Variants in CD5 observed in about 807,000 individuals in gnomAD.
CD5 encodes CD5 molecule.
CD5 carries 36 observed loss-of-function variants against 60.3 expected under a neutral mutation model. The observed-to-expected ratio is 0.60, with a 90% CI of 0.46 to 0.79. CD5 has a LOEUF of 0.79. Ranked by LOEUF, CD5 falls within the 30% of genes least tolerant of loss-of-function variation. The pLI, the probability that CD5 is intolerant of heterozygous loss-of-function variation, is 0.00. For missense variants in CD5, 540 were observed against 630.6 expected (o/e 0.86, Z 1.54); for synonymous variants, 230 against 257.6 (o/e 0.89, Z 1.03).
intron 1 of CD5, among the ~76,000 whole-genome samples, chr11:61,104,470 G>A (rs558272146): frequency 6.6e-6 from 1 of 152,272 alleles, no homozygotes; most frequent in African/African-American, 2.4e-5. Flanking sequence ...AGCTGAGTAT[G>A]GGAACCCGTG....
chr11:61,100,051 C>A (rs1252543355), upstream of CD5, among the ~76,000 whole-genome samples: 1 of 146,470 alleles, frequency 6.8e-6, no homozygotes, highest in Non-Finnish European at 1.5e-5. Flanking sequence ...GGAGATCACA[C>A]ACACACATCA....
intron 2 of CD5, among the ~76,000 whole-genome samples, chr11:61,115,583 G>A (rs1183182910): frequency 1.3e-5 from 2 of 152,318 alleles, no homozygotes; most frequent in East Asian, 1.9e-4. Flanking sequence ...ACAAAGGGCA[G>A]GCAACACCGC....
Position 61,118,180 on chromosome 11 carries a change from C to T in CD5, c.100C>T (p.Gln34Ter), listed in dbSNP as rs751153028. ...CACACCTTTCTGACCCCCAGATTTC[C>T]AGGCAAGGCTCACCCGTTCCAACTC... The part of the protein sequence containing the change: ...GRLSWYDPDF[Q>*]ARLTRSNSKC... Residue 34 changes from glutamine (Q) to a stop codon, truncating the protein, a stop_gained, in exon 3 of 11, where the codon CAG becomes TAG. Coordinates refer to ENST00000347785, the MANE Select transcript of CD5 (RefSeq NM_014207.4). LOFTEE classifies it high-confidence loss of function. This position sits in a 1 kb window ranked among gnomAD's most constrained non-coding sequence, Gnocchi z 4.7. The T allele has an allele frequency of 1.2e-6, 2 of 1,612,086 alleles. No homozygotes were observed. Among genetic ancestry groups the T allele is most frequent in the Non-Finnish European group, 1.7e-6 (2 of 1,178,252 alleles).
Position 61,122,421 on chromosome 11 carries a change from CAGTG to C in CD5, c.1100-485_1100-482del, listed in dbSNP as rs1430269059. Among the ~76,000 whole-genome samples the C allele has an allele frequency of 1.2e-3, 83 of 71,392 alleles. 1 individual carries two copies. The highest frequency in any genetic ancestry group is 5.0e-3 in the African/African-American group (81 of 16,222). 46.8% of individuals were successfully genotyped at this position (71,392 alleles called of 152,430 possible). On this transcript the variant is annotated intron_variant, in intron 6 of 10. Transcript: ENST00000347785. ...TGGATGGATGGATGGATGGATGGAT[CAGTG>C]GGTGGGTGGATGGATGGATGGTTGG... is the stretch of plus-strand genomic sequence containing the variant.
intron 1 of CD5, among the ~76,000 whole-genome samples, chr11:61,103,021 A>G (rs1168887325): frequency 2.0e-5 from 3 of 152,210 alleles, no homozygotes; most frequent in African/African-American, 7.2e-5. Context: ...CTCCAGAGAC[A>G]TGGAAACTCG....
At chr11:61,123,237 GCTGATTTGTCCATCT>G (rs1861096076) in intron 7 of CD5, among the ~76,000 whole-genome samples, 1 of 150,980 alleles carries the variant, frequency 6.6e-6, no homozygotes, top group Non-Finnish European at 1.5e-5. Flanking sequence ...AATTGCAATT[GCTGATTTGTCCATCT>G]CTGGAGCCCA....
chr11:61,110,588 G>A (rs1860840630), intron 1 of CD5, among the ~76,000 whole-genome samples: 1 of 152,186 alleles, frequency 6.6e-6, no homozygotes, highest in Admixed American at 6.5e-5. Flanking sequence ...TGAAACCTGG[G>A]GCAGGCCATC....
intron 1 of CD5, among the ~76,000 whole-genome samples, chr11:61,107,456 C>G (rs1415009630): frequency 6.6e-6 from 1 of 152,200 alleles, no homozygotes; most frequent in Non-Finnish European, 1.5e-5. Context: ...CAGAAGCTTT[C>G]AGATTGTAGA....
upstream of CD5, among the ~76,000 whole-genome samples, chr11:61,100,455 TTA>T (rs1860653508): frequency 8.5e-6 from 1 of 117,594 alleles, no homozygotes; most frequent in African/African-American, 3.3e-5. Flanking sequence ...AACATGGAGA[TTA>T]CACACACACA....
At position 61,106,156 on chromosome 11, in the gene CD5, T is replaced by C. The variant is rs1243868278; in HGVS notation, c.55+3541T>C. ...AAAAAAAAAAAAAAGGCACCCGAAA[T>C]ATTTACACATTTTGAAATACTGAGT... On this transcript the variant is annotated intron_variant, in intron 1 of 10. Coordinates refer to ENST00000347785, the MANE Select transcript of CD5 (RefSeq NM_014207.4). Among the ~76,000 whole-genome samples the C allele has an allele frequency of 2.2e-5, 3 of 135,560 alleles. No individual in the cohort carries two copies. In the East Asian group the frequency reaches 6.8e-4, roughly 31 times the overall value. 88.9% of individuals were successfully genotyped at this position (135,560 alleles called of 152,430 possible).
At chr11:61,124,946 A>G (rs1426978614) in intron 8 of CD5, 86 bp from the exon 9 acceptor site, 5 of 1,535,590 alleles carry the variant, frequency 3.3e-6, no homozygotes, top group Non-Finnish European at 4.5e-6. Context: ...TCATGGGAAT[A>G]GGAGATTAAA....
intron 1 of CD5, among the ~76,000 whole-genome samples, chr11:61,113,887 C>A (rs1241652593): frequency 6.6e-6 from 1 of 152,190 alleles, no homozygotes; most frequent in Non-Finnish European, 1.5e-5. Context: ...CTAGGCCAGT[C>A]TCAAACTCCT....
At position 61,118,340 on chromosome 11, in the gene CD5, G is replaced by T; in HGVS notation, c.260G>T (p.Gly87Val). ...ASKVCQRLNC[G>V]VPLSLGPFLV... ...AAAGTCTGCCAGCGGCTGAACTGTG[G>T]GGTGCCCTTAAGCCTTGGCCCCTTC... Residue 87 changes from glycine (G) to valine (V), a missense_variant, in exon 3 of 11, where the codon GGG (glycine) becomes GTG (valine). Gly to Val is a moderately radical substitution (Grantham distance 109, BLOSUM62 -3). Transcript: ENST00000347785. This position sits in a 1 kb window ranked among gnomAD's most constrained non-coding sequence, Gnocchi z 4.7. 6.2e-7 allele frequency: 1 copy of T among 1,614,264 alleles called. No individual in the cohort carries two copies. The highest frequency in any genetic ancestry group is 1.1e-5 in the South Asian group (1 of 91,090).
chr11:61,118,789 G>A lies in CD5; in HGVS notation c.401-126G>A, dbSNP rs1861003602. 2.1e-5 allele frequency: 14 copies of A among 673,166 alleles called. No homozygotes were observed. The highest frequency in any genetic ancestry group is 1.8e-4 in the South Asian group (10 of 56,190). The allele number at this position is 673,166 out of a possible 1,614,324, so 41.7% of individuals were successfully genotyped here. ...GCAGGAGGCTTAGAGACAACGTGTG[G>A]GTCAAGTGGACCTGGTGTGCCAAGC... On this transcript the variant is annotated intron_variant, in intron 3 of 10. Coordinates refer to ENST00000347785, the MANE Select transcript of CD5 (RefSeq NM_014207.4). The surrounding 1 kb of genome is among the most constrained non-coding windows in gnomAD (Gnocchi z 4.7).
the CD5 span, among the ~76,000 whole-genome samples, chr11:61,097,390 G>A: frequency 1.3e-5 from 2 of 152,188 alleles, no homozygotes; most frequent in Non-Finnish European, 1.5e-5. Flanking sequence ...CCCGTAGGAC[G>A]ACTTAGTTGT....
chr11:61,103,629 G>A (rs1281707473), intron 1 of CD5, among the ~76,000 whole-genome samples: 5 of 140,386 alleles, frequency 3.6e-5, no homozygotes, highest in African/African-American at 8.6e-5. Flanking sequence ...CTGTGTGTAC[G>A]TGTGTGAGAA....
chr11:61,120,839 T>G (rs947491601), intron 5 of CD5, among the ~76,000 whole-genome samples: 1 of 152,236 alleles, frequency 6.6e-6, no homozygotes, highest in Non-Finnish European at 1.5e-5. Flanking sequence ...CCTCAGCTAC[T>G]ATCCTTCCTG....
rs1400076836 is a variant in CD5 at position 61,103,399 on chromosome 11, C to T, written c.55+784C>T. On this transcript the variant is annotated intron_variant, in intron 1 of 10. Coordinates refer to ENST00000347785, the MANE Select transcript of CD5 (RefSeq NM_014207.4). ...AAGGTCTGGCAGGGTGACAGAGGTG[C>T]GTGACTCTGGGCTGGAAACAGGAGG... 3.3e-5 allele frequency among the ~76,000 whole-genome samples: 5 copies of T among 152,152 alleles called. No homozygotes were observed. The South Asian group carries it at 6.2e-4, about 19-fold the overall frequency.
intron 6 of CD5, among the ~76,000 whole-genome samples, chr11:61,122,387 ATGGATGGATG>A (rs1294316632): frequency 1.4e-5 from 2 of 139,820 alleles, no homozygotes; most frequent in African/African-American, 2.8e-5. Context: ...GGATGGATGG[ATGGATGGATG>A]GATGGATGGA....
Sources: gnomAD v4.1 joint callset for allele counts (sites outside exome capture counted in the v4.1 genomes callset) on GRCh38, gnomAD v4.1.1 for gene constraint, Gnocchi (gnomAD v3.1) non-coding constraint, MANE v1.5 for transcripts, NCBI Gene and HGNC (gene_info 2026-07-23, HGNC 2026-07-21) for gene names.